The following KIF6 variants were observed in gnomAD, a reference collection of about 807,000 sequenced individuals.
KIF6 encodes the protein kinesin family member 6.
In KIF6, 106 loss-of-function variants were observed where a neutral mutation model predicts 112.7. The ratio of observed to expected loss-of-function variants is 0.94; its 90% CI spans 0.80 to 1.11. The LOEUF is 1.11. Among genes scored for constraint, KIF6 ranks in the 50% least tolerant of loss-of-function variants. The probability of loss-of-function intolerance (pLI) is 0.00; values close to 1 mark genes in which losing one functional copy is unlikely to be tolerated. For missense variants in KIF6, 929 were observed against 964.0 expected (o/e 0.96, Z 0.48); for synonymous variants, 339 against 339.9 (o/e 1.00, Z 0.03).
intron 16 of KIF6, among the ~76,000 whole-genome samples, chr6:39,375,077 T>A (rs1281092829): frequency 6.6e-6 from 1 of 152,144 alleles, no homozygotes; most frequent in Non-Finnish European, 1.5e-5. Context: ...TGAATGAAAC[T>A]GGAGGACATT....
At chr6:39,402,501 G>A (rs923536703) in intron 15 of KIF6, among the ~76,000 whole-genome samples, 2 of 152,146 alleles carry the variant, frequency 1.3e-5, no homozygotes, top group African/African-American at 4.8e-5. Flanking sequence ...GTGGAACAGA[G>A]ATCAGAAAAT....
intron 19 of KIF6, among the ~76,000 whole-genome samples, chr6:39,356,963 C>A (rs1764739116): frequency 6.6e-6 from 1 of 152,136 alleles, no homozygotes; most frequent in African/African-American, 2.4e-5. Flanking sequence ...ATGCTATGAC[C>A]CTGTTCCATT....
chr6:39,473,476 C>A (rs773853101), intron 13 of KIF6, among the ~76,000 whole-genome samples: 15 of 152,128 alleles, frequency 9.9e-5, no homozygotes, highest in Admixed American at 2.6e-4. Flanking sequence ...TGCTGCTAAC[C>A]TGAGGATATC....
At chr6:39,345,287 T>G (rs763477027) in intron 21 of KIF6, among the ~76,000 whole-genome samples, 5 of 152,156 alleles carry the variant, frequency 3.3e-5, no homozygotes, top group Non-Finnish European at 7.3e-5. Context: ...GAGCAGCCAT[T>G]CTAGCCGGAG....
intron 15 of KIF6, among the ~76,000 whole-genome samples, chr6:39,417,207 G>A (rs1411129019): frequency 2.0e-5 from 3 of 152,114 alleles, no homozygotes; most frequent in South Asian, 2.1e-4. Flanking sequence ...CTGAGATGTC[G>A]TGATGGCAGG....
At chr6:39,654,603 A>G (rs1785661529) in intron 3 of KIF6, among the ~76,000 whole-genome samples, 1 of 152,222 alleles carries the variant, frequency 6.6e-6, no homozygotes, top group Admixed American at 6.5e-5. Context: ...GAATTAACAA[A>G]TGCTTGTTAA....
intron 9 of KIF6, among the ~76,000 whole-genome samples, chr6:39,579,067 C>T (rs753514007): frequency 1.3e-5 from 2 of 152,080 alleles, no homozygotes; most frequent in South Asian, 2.1e-4. Context: ...TCTTTGAGCA[C>T]GTATGTAAGA....
At chr6:39,401,698 G>C (rs1768715226) in intron 15 of KIF6, among the ~76,000 whole-genome samples, 1 of 152,036 alleles carries the variant, frequency 6.6e-6, no homozygotes, top group African/African-American at 2.4e-5. Context: ...GCTCTCGGGG[G>C]AGTGGGTAGT....
Position 39,385,601 on chromosome 6 carries a change from G to A in KIF6, c.1861+21C>T, listed in dbSNP as rs749059074. The stretch of plus-strand genomic sequence containing the variant: ...TTTATATTACCTTCATCCTCTTCCT[G>A]CAGATTCTCTTTGTACCTACCTAGG... On this transcript the variant is annotated intron_variant, in intron 16 of 22. Coordinates refer to ENST00000287152, the MANE Select transcript of KIF6 (RefSeq NM_145027.6). 35 of 1,599,300 alleles carry A rather than the reference G, an allele frequency of 2.2e-5. No homozygotes were observed. In the East Asian group the frequency reaches 7.6e-4, roughly 35 times the overall value.
chr6:39,440,384 G>A (rs1291411114), intron 13 of KIF6, among the ~76,000 whole-genome samples: 1 of 152,078 alleles, frequency 6.6e-6, no homozygotes, highest in Non-Finnish European at 1.5e-5. Context: ...ATCTGGAGGT[G>A]CATACAAGAA....
intron 13 of KIF6, among the ~76,000 whole-genome samples, chr6:39,530,231 T>C (rs1218473520): frequency 6.6e-6 from 1 of 152,198 alleles, no homozygotes; most frequent in Non-Finnish European, 1.5e-5. Flanking sequence ...GGCTACAGCT[T>C]TGGCTTTCAT....
intron 5 of KIF6, among the ~76,000 whole-genome samples, chr6:39,621,492 T>A (rs1008882816): frequency 6.6e-6 from 1 of 152,196 alleles, no homozygotes. Context: ...CATCTCTGTC[T>A]CCTCTATAAA....
In KIF6 at chr6:39,539,927, T is replaced by C. The variant is rs538217364; in HGVS notation, c.1645+76A>G. 1.8e-3 allele frequency: 1,802 copies of C among 1,028,930 alleles called. 34 individuals are homozygous for C. The South Asian group carries it at 0.025, about 14-fold the overall frequency. The allele number at this position is 1,028,930 out of a possible 1,614,324, so 63.7% of individuals were successfully genotyped here. A position where few individuals can be genotyped will look rare whatever the true frequency, so the allele number is the denominator to read the frequency against. The stretch of plus-strand genomic sequence containing the variant: ...CAAAGAAATTGAGCCTTCATCCTGA[T>C]ACATGTAAAACTAAAGGGTGCTACA... On this transcript the variant is annotated intron_variant, in intron 13 of 22. Coordinates refer to ENST00000287152, the MANE Select transcript of KIF6 (RefSeq NM_145027.6).
chr6:39,664,437 A>G (rs1057262997), intron 3 of KIF6, among the ~76,000 whole-genome samples: 16 of 152,204 alleles, frequency 1.1e-4, no homozygotes, highest in African/African-American at 3.4e-4. Context: ...AGCTGGGATT[A>G]TGTGTCCTCT....
intron 3 of KIF6, among the ~76,000 whole-genome samples, chr6:39,667,890 T>A (rs1278511889): frequency 1.3e-5 from 2 of 152,196 alleles, no homozygotes; most frequent in Non-Finnish European, 1.5e-5. Context: ...TAGAGCCTGG[T>A]GGGAGGTGTT....
At chr6:39,674,412 C>A (rs2150837131) in intron 3 of KIF6, among the ~76,000 whole-genome samples, 1 of 152,232 alleles carries the variant, frequency 6.6e-6, no homozygotes, top group African/African-American at 2.4e-5. Flanking sequence ...TACCTGAATT[C>A]TTCCTCTACC....
At chr6:39,537,433 G>T (rs542181889) in intron 13 of KIF6, among the ~76,000 whole-genome samples, 182 of 152,056 alleles carry the variant, frequency 1.2e-3, no homozygotes, top group African/African-American at 4.2e-3. Flanking sequence ...CAGACAAACA[G>T]AGAGCCAAAT....
intron 19 of KIF6, among the ~76,000 whole-genome samples, chr6:39,351,642 C>A (rs916954138): frequency 1.3e-5 from 2 of 152,176 alleles, no homozygotes; most frequent in Non-Finnish European, 2.9e-5. Context: ...CACACATGCA[C>A]ATGTACACAC....
chr6:39,362,423 A>C lies in KIF6; in HGVS notation c.1946+11T>G, dbSNP rs1256762145. On this transcript the variant is annotated intron_variant, in intron 17 of 22. Coordinates refer to ENST00000287152, the MANE Select transcript of KIF6 (RefSeq NM_145027.6). Reference sequence around the variant, plus strand: ...TGGGCTCGGACTGTGTGTGGCTAAAAGGAAGGGCACCTTCTCTTTTCTTCC... The same window carrying C: ...TGGGCTCGGACTGTGTGTGGCTAAACGGAAGGGCACCTTCTCTTTTCTTCC... The C allele has an allele frequency of 6.2e-7, 1 of 1,610,588 alleles. No individual in the cohort carries two copies. The highest frequency in any genetic ancestry group is 8.5e-7 in the Non-Finnish European group (1 of 1,177,058).
Sources: allele counts gnomAD v4.1 joint callset (sites outside exome capture counted in the v4.1 genomes callset), GRCh38; gene constraint gnomAD v4.1.1; transcripts MANE v1.5; gene names NCBI Gene and HGNC (gene_info 2026-07-23, HGNC 2026-07-21).